The following KCNK9 variants were observed in gnomAD, a reference collection of about 807,000 sequenced individuals.
KCNK9 encodes the protein potassium two pore domain channel subfamily K member 9, also known as potassium channel subfamily K member 9.
Under a neutral mutation model 10.8 loss-of-function variants are expected in KCNK9, and 1 was observed. That is an observed-to-expected ratio of 0.09 (90% CI 0.03 to 0.44). The LOEUF (loss-of-function observed/expected upper bound fraction) is 0.44, where lower values mean the gene tolerates loss of function less well. Ranked by LOEUF, KCNK9 falls within the 20% of genes least tolerant of loss-of-function variation. The pLI, the probability that KCNK9 is intolerant of heterozygous loss-of-function variation, is 0.97. For missense variants in KCNK9, 303 were observed against 515.0 expected (o/e 0.59, Z 3.98); for synonymous variants, 231 against 222.7 (o/e 1.04, Z -0.33).
At chr8:139,670,894 T>G (rs1455027132) in intron 1 of KCNK9, among the ~76,000 whole-genome samples, 1 of 152,194 alleles carries the variant, frequency 6.6e-6, no homozygotes, top group Non-Finnish European at 1.5e-5. Flanking sequence ...TAGGATTTGA[T>G]GACCACCCCG....
chr8:139,663,767 C>G (rs976443060), intron 1 of KCNK9, among the ~76,000 whole-genome samples: 1 of 151,954 alleles, frequency 6.6e-6, no homozygotes, highest in Non-Finnish European at 1.5e-5. Flanking sequence ...TGAGAGACCT[C>G]GAGGAAGCAC....
intron 1 of KCNK9, among the ~76,000 whole-genome samples, chr8:139,698,649 A>T (rs1417007050): frequency 1.3e-5 from 2 of 152,196 alleles, no homozygotes; most frequent in Non-Finnish European, 2.9e-5. Flanking sequence ...ACTCAAGGCC[A>T]GGCCTTATCT....
At chr8:139,633,052 TG>T (rs1815223013) in intron 1 of KCNK9, among the ~76,000 whole-genome samples, 1 of 152,002 alleles carries the variant, frequency 6.6e-6, no homozygotes, top group Non-Finnish European at 1.5e-5. Context: ...CGAGTAGCAG[TG>T]GGGCGATCTG....
chr8:139,672,676 TG>T (rs1216032014), intron 1 of KCNK9, among the ~76,000 whole-genome samples: 2 of 152,084 alleles, frequency 1.3e-5, no homozygotes, highest in African/African-American at 4.8e-5. Flanking sequence ...ACAGCCCCCG[TG>T]GGGGAGCCTC....
At chr8:139,660,068 A>C (rs1288434818) in intron 1 of KCNK9, among the ~76,000 whole-genome samples, 7 of 152,124 alleles carry the variant, frequency 4.6e-5, no homozygotes, top group Non-Finnish European at 5.9e-5. Context: ...AACGATGTAG[A>C]TGTGTTGCCT....
In KCNK9 at chr8:139,693,718, G is replaced by A. The variant is rs1259356068; in HGVS notation, c.283+8992C>T. Among the ~76,000 whole-genome samples the A allele has an allele frequency of 6.6e-6, 1 of 152,190 alleles. No homozygotes were observed. Among genetic ancestry groups the A allele is most frequent in the Admixed American group, 6.5e-5 (1 of 15,270 alleles). Reference sequence around the variant, plus strand: ...AGGCAGAGCCGGACTCAGGGCAGAAGGTGTGGGAACAGGGCCTGAGCGGGG... The same window carrying A: ...AGGCAGAGCCGGACTCAGGGCAGAAAGTGTGGGAACAGGGCCTGAGCGGGG... On this transcript the variant is annotated intron_variant, in intron 1 of 1. Coordinates refer to ENST00000520439, the MANE Select transcript of KCNK9 (RefSeq NM_001282534.2). The surrounding 1 kb of genome is among the most constrained non-coding windows in gnomAD (Gnocchi z 4.1).
intron 1 of KCNK9, among the ~76,000 whole-genome samples, chr8:139,640,683 T>G (rs1014619361): frequency 1.3e-5 from 2 of 152,222 alleles, no homozygotes; most frequent in Admixed American, 6.5e-5. Flanking sequence ...ACGGGACTCC[T>G]GAAACCTTGG....
chr8:139,616,392 G>T (rs1384816442), downstream of KCNK9: 9 of 152,196 alleles, frequency 5.9e-5, no homozygotes, highest in Admixed American at 5.2e-4. Flanking sequence ...AGACCTTGAA[G>T]GTTGAGAACT....
intron 1 of KCNK9, among the ~76,000 whole-genome samples, chr8:139,686,665 A>G (rs1290551587): frequency 1.3e-5 from 2 of 152,238 alleles, no homozygotes; most frequent in Non-Finnish European, 2.9e-5. Flanking sequence ...CCATGTAATT[A>G]CATTACAATT....
At chr8:139,630,404 C>T (rs1815127228) in intron 1 of KCNK9, among the ~76,000 whole-genome samples, 1 of 152,076 alleles carries the variant, frequency 6.6e-6, no homozygotes, top group Non-Finnish European at 1.5e-5. Flanking sequence ...GCCGCCGCCG[C>T]CCCCACCTCC....
At chr8:139,614,907 C>A (rs988441215), downstream of KCNK9, among the ~76,000 whole-genome samples, 2 of 152,352 alleles carry the variant, frequency 1.3e-5, no homozygotes, top group Admixed American at 1.3e-4. Flanking sequence ...TTTCTAGGTA[C>A]TGGCTGGTGG....
intron 1 of KCNK9, among the ~76,000 whole-genome samples, chr8:139,670,859 T>A (rs1247776472): frequency 6.6e-6 from 1 of 152,150 alleles, no homozygotes; most frequent in Non-Finnish European, 1.5e-5. Flanking sequence ...GTGGCCCGCC[T>A]CCCCAGCAGC....
intron 1 of KCNK9, among the ~76,000 whole-genome samples, chr8:139,629,726 G>A (rs1815101529): frequency 6.6e-6 from 1 of 152,106 alleles, no homozygotes; most frequent in African/African-American, 2.4e-5. Flanking sequence ...GCTTTGAGGG[G>A]GCCACCTTCC....
intron 1 of KCNK9, among the ~76,000 whole-genome samples, chr8:139,645,355 G>GCTGCCCACCCATGC (rs1815643320): frequency 6.6e-6 from 1 of 152,156 alleles, no homozygotes; most frequent in South Asian, 2.1e-4. Context: ...GACGGCAGAG[G>GCTGCCCACCCATGC]CTGCCCACCC....
intron 1 of KCNK9, among the ~76,000 whole-genome samples, chr8:139,627,536 G>A (rs1020020107): frequency 3.9e-5 from 6 of 152,132 alleles, no homozygotes; most frequent in Admixed American, 6.5e-5. Context: ...ATAACATCCC[G>A]ACCCCGATCT....
At chr8:139,639,088 T>C (rs1815421341) in intron 1 of KCNK9, among the ~76,000 whole-genome samples, 1 of 148,766 alleles carries the variant, frequency 6.7e-6, no homozygotes, top group African/African-American at 2.5e-5. Context: ...CCACAGTCAC[T>C]CCTGCGCCGC....
intron 1 of KCNK9, among the ~76,000 whole-genome samples, chr8:139,622,774 G>A (rs1245773687): frequency 6.6e-6 from 1 of 152,208 alleles, no homozygotes; most frequent in Non-Finnish European, 1.5e-5. Context: ...CAGGTACTGT[G>A]TACAAACAGG....
chr8:139,666,350 CTA>C (rs1816300770), intron 1 of KCNK9, among the ~76,000 whole-genome samples: 1 of 152,238 alleles, frequency 6.6e-6, no homozygotes, highest in African/African-American at 2.4e-5. Context: ...AAGCACGGCG[CTA>C]TGTCAGTGCT....
At chr8:139,642,856 G>T (rs78469396) in intron 1 of KCNK9, among the ~76,000 whole-genome samples, 2,032 of 152,292 alleles carry the variant, frequency 0.013, 50 homozygotes, top group African/African-American at 0.047. Context: ...AGCAGCAGGG[G>T]GTGTTTTTGT....
Sources: gnomAD v4.1 joint callset for allele counts (sites outside exome capture counted in the v4.1 genomes callset) on GRCh38, gnomAD v4.1.1 for gene constraint, Gnocchi (gnomAD v3.1) non-coding constraint, MANE v1.5 for transcripts, NCBI Gene and HGNC (gene_info 2026-07-23, HGNC 2026-07-21) for gene names.